Variants in ST7 observed in about 807,000 individuals in gnomAD.
ST7 encodes the protein suppression of tumorigenicity 7, also known as suppressor of tumorigenicity 7 protein.
A neutral mutation model predicts 78.7 loss-of-function variants in ST7; 28 were observed. The ratio of observed to expected loss-of-function variants is 0.36; its 90% confidence interval spans 0.26 to 0.49. The LOEUF is 0.49. ST7 is among the 20% of genes least tolerant of loss of function. ST7 has a pLI of 0.99. For missense variants in ST7, 418 were observed against 696.0 expected (o/e 0.60, Z 4.49); for synonymous variants, 247 against 249.6 (o/e 0.99, Z 0.10).
intron 8 of ST7, among the ~76,000 whole-genome samples, chr7:117,138,177 A>G (rs1265839596): frequency 6.6e-6 from 1 of 152,184 alleles, no homozygotes; most frequent in Non-Finnish European, 1.5e-5. Flanking sequence ...CACTGTGGGT[A>G]TGTTCATTTT....
intron 1 of ST7, among the ~76,000 whole-genome samples, chr7:116,975,000 A>AT (rs1043537167): frequency 8.5e-5 from 13 of 152,070 alleles, no homozygotes; most frequent in African/African-American, 2.4e-4. Flanking sequence ...TATTTTATGT[A>AT]TTTTTTTCAT....
intron 1 of ST7, among the ~76,000 whole-genome samples, chr7:116,970,409 C>A (rs975489036): frequency 6.6e-6 from 1 of 152,272 alleles, no homozygotes; most frequent in African/African-American, 2.4e-5. Flanking sequence ...ACATTTATTA[C>A]GTACAGTTCT....
At chr7:117,144,663 G>A (rs1446606735) in intron 9 of ST7, among the ~76,000 whole-genome samples, 1 of 151,656 alleles carries the variant, frequency 6.6e-6, no homozygotes, top group East Asian at 1.9e-4. Flanking sequence ...AAATTCTGGG[G>A]GTTCCCTAAC....
At chr7:117,095,703 T>G (rs557808067) in intron 1 of ST7, among the ~76,000 whole-genome samples, 2 of 152,210 alleles carry the variant, frequency 1.3e-5, no homozygotes, top group South Asian at 4.1e-4. Context: ...GCTAGATTAG[T>G]TGTTACATGT....
chr7:117,150,387 C>T (rs1806154305), intron 9 of ST7, among the ~76,000 whole-genome samples: 2 of 152,132 alleles, frequency 1.3e-5, no homozygotes, highest in South Asian at 4.1e-4. Flanking sequence ...TCATAGTGTT[C>T]CATCTTCTCT....
chr7:117,022,276 A>AT (rs1360238051), intron 1 of ST7, among the ~76,000 whole-genome samples: 1 of 152,128 alleles, frequency 6.6e-6, no homozygotes, highest in Admixed American at 6.5e-5. Context: ...GGTTTTTAGC[A>AT]TTTTTTGTCT....
chr7:117,181,161 G>T (rs1808731067), intron 10 of ST7, among the ~76,000 whole-genome samples: 1 of 152,268 alleles, frequency 6.6e-6, no homozygotes, highest in South Asian at 2.1e-4. Flanking sequence ...AAATATAAAT[G>T]ATTAAAGTGT....
At chr7:116,993,895 T>C (rs1436653205) in intron 1 of ST7, among the ~76,000 whole-genome samples, 5 of 152,210 alleles carry the variant, frequency 3.3e-5, no homozygotes, top group Non-Finnish European at 5.9e-5. Context: ...TATTTTCAAA[T>C]AGAAAAGCAG....
At chr7:116,953,782 C>T in intron 1 of ST7, 91 bp downstream of exon 1, 2 of 942,930 alleles carry the variant, frequency 2.1e-6, no homozygotes, top group Non-Finnish European at 1.3e-6. Flanking sequence ...CAGGCGCGCG[C>T]TCGGGGACGC....
At chr7:117,095,736 T>C (rs1800979190) in intron 1 of ST7, among the ~76,000 whole-genome samples, 1 of 152,144 alleles carries the variant, frequency 6.6e-6, no homozygotes. Flanking sequence ...TGCCTAGCCC[T>C]AACAAGTATG....
intron 3 of ST7, among the ~76,000 whole-genome samples, chr7:117,121,266 G>A (rs773819681): frequency 3.0e-4 from 46 of 152,190 alleles, no homozygotes; most frequent in Non-Finnish European, 6.3e-4. Context: ...ATAAAGTAAT[G>A]TTTTGCTTTG....
intron 1 of ST7, among the ~76,000 whole-genome samples, chr7:117,027,468 T>TAAAAGTAAAAGTAAAAGTAAAGTA (rs778094133): frequency 7.4e-5 from 10 of 134,920 alleles, no homozygotes; most frequent in African/African-American, 3.7e-4. Context: ...AAAGTAAAAG[T>TAAAAGTAAAAGTAAAAGTAAAGTA]AAAGTAAAGT....
At chr7:117,098,953 G>T in intron 1 of ST7, 1 of 687,732 alleles carries the variant, frequency 1.5e-6, no homozygotes, top group South Asian at 2.2e-5. Context: ...TGAATAGTGG[G>T]TATGAACAGA....
rs544672874 is a variant in ST7 at position 117,076,624 on chromosome 7, T to G, written c.152-23138T>G. On this transcript the variant is annotated intron_variant, in intron 1 of 15. Coordinates refer to ENST00000323984, the MANE Select transcript of ST7 (RefSeq NM_001369598.1). ...CAAACTCCACTCAGACCCACTGCCT[T>G]CCACCCCTTGTGGGAGGGAGCACCC... The G allele has an allele frequency of 2.6e-5, 4 of 152,546 alleles. No homozygotes were observed. In the East Asian group the frequency reaches 7.7e-4, roughly 29 times the overall value. 9.4% of individuals were successfully genotyped at this position (152,546 alleles called of 1,614,324 possible).
At chr7:116,968,917 T>A (rs1338058531) in intron 1 of ST7, among the ~76,000 whole-genome samples, 1 of 152,134 alleles carries the variant, frequency 6.6e-6, no homozygotes, top group Non-Finnish European at 1.5e-5. Flanking sequence ...TCTGTTGGGG[T>A]TAAATTGGAG....
chr7:117,007,400 A>T (rs933017541), intron 1 of ST7, among the ~76,000 whole-genome samples: 1 of 152,212 alleles, frequency 6.6e-6, no homozygotes, highest in African/African-American at 2.4e-5. Context: ...CAGGGGTTCT[A>T]TGAAGGCTGA....
intron 1 of ST7, among the ~76,000 whole-genome samples, chr7:117,029,861 C>A (rs11762090): frequency 6.6e-6 from 1 of 152,042 alleles, no homozygotes; most frequent in Admixed American, 6.6e-5. Context: ...GTCAGTTCAC[C>A]CTATATTTCT....
intron 1 of ST7, chr7:117,020,748 T>A: frequency 7.0e-7 from 1 of 1,426,622 alleles, no homozygotes; most frequent in Non-Finnish European, 9.5e-7. Context: ...ATTTTGGCTC[T>A]AATTACAAAG....
At chr7:116,956,314 G>A (rs898195332) in intron 1 of ST7, 1 of 354,250 alleles carries the variant, frequency 2.8e-6, no homozygotes, top group African/African-American at 2.1e-5. Flanking sequence ...GGAGAAAGAA[G>A]TCATTAGCCA....
Sources: allele counts gnomAD v4.1 joint callset (sites outside exome capture counted in the v4.1 genomes callset), GRCh38; gene constraint gnomAD v4.1.1; transcripts MANE v1.5; gene names NCBI Gene and HGNC (gene_info 2026-07-23, HGNC 2026-07-21).